The following MISP variants were observed in gnomAD, a reference collection of about 807,000 sequenced individuals.
MISP encodes mitotic interactor and substrate of PLK1.
Under a neutral mutation model 49.3 loss-of-function variants are expected in MISP, and 51 were observed. That is an observed-to-expected ratio of 1.03 (90% CI 0.83 to 1.31). The LOEUF is 1.31. MISP is among the 50% of genes most tolerant of loss of function. MISP has a pLI of 0.00. For synonymous variants in MISP, 444 were observed against 392.6 expected (o/e 1.13, Z -1.55); for missense variants, 1,084 against 935.1 (o/e 1.16, Z -2.08).
chr19:759,742 T>C (rs1445313592), intron 2 of MISP, among the ~76,000 whole-genome samples, 167 bp from the exon 3 acceptor site: 1 of 152,184 alleles, frequency 6.6e-6, no homozygotes, highest in African/African-American at 2.4e-5. Flanking sequence ...CATCTGTGCA[T>C]CCAGTTTCTC....
In MISP at chr19:758,436, G is replaced by A; in HGVS notation, c.1490G>A (p.Gly497Asp). 1 of 1,614,218 alleles carries A rather than the reference G, an allele frequency of 6.2e-7. No individual in the cohort carries two copies. Among genetic ancestry groups the A allele is most frequent in the Non-Finnish European group, 8.5e-7 (1 of 1,180,046 alleles). Residue 497 changes from glycine (G) to aspartate (D), a missense_variant, in exon 2 of 5, where the codon GGT becomes GAT. Physicochemically the swap from Gly to Asp is moderately conservative, Grantham distance 94. Transcript: ENST00000215582. ...PPRGCPQANRGVVRWEYFRLR... is the reference protein window; with the variant it reads ...PPRGCPQANRDVVRWEYFRLR... ...CGGGGATGCCCGCAAGCCAACAGGG[G>A]TGTCGTGCGGTGGGAGTACTTCCGC... is the stretch of plus-strand genomic sequence containing the variant.
rs537413932 is a variant in MISP at position 759,305 on chromosome 19, T to A, written c.1780+579T>A. On this transcript the variant is annotated intron_variant, in intron 2 of 4. Transcript: ENST00000215582. Reference sequence around the variant, plus strand: ...TCCCAAAGTGCTGGGATTACAAGCATGAGCCACTGCTCCCGGCCTGTTCAT... The same window carrying A: ...TCCCAAAGTGCTGGGATTACAAGCAAGAGCCACTGCTCCCGGCCTGTTCAT... Among the ~76,000 whole-genome samples the A allele has an allele frequency of 4.6e-5, 7 of 151,868 alleles. No homozygotes were observed. The East Asian group carries it at 1.2e-3, about 25-fold the overall frequency.
In MISP at chr19:758,375, C is replaced by T; in HGVS notation, c.1429C>T (p.Pro477Ser). Reference protein sequence around the residue: ...PRHLSESSGKPLSTKQEASKP... With the variant: ...PRHLSESSGKSLSTKQEASKP... ...GCATCTCTCAGAATCCTCTGGAAAA[C>T]CCCTGAGCACAAAGCAAGAGGCATC... The change falls in exon 2 of 5, where the codon CCC (proline) becomes TCC (serine). Residue 477 changes from proline (P) to serine (S), a missense_variant. Pro to Ser is a moderately conservative substitution (Grantham distance 74, BLOSUM62 -1). Transcript: ENST00000215582. 1 of 1,614,212 alleles carries T rather than the reference C, an allele frequency of 6.2e-7. No homozygotes were observed. Among genetic ancestry groups the T allele is most frequent in the Non-Finnish European group, 8.5e-7 (1 of 1,180,028 alleles).
At chr19:756,809 T>C in intron 1 of MISP, 81 bp from the exon 2 acceptor site, 1 of 708,302 alleles carries the variant, frequency 1.4e-6, no homozygotes, top group Non-Finnish European at 2.3e-6. Flanking sequence ...TGATGGACCC[T>C]TTGCCCTTTG....
At chr19:751,492 C>T (rs1380192050) in intron 1 of MISP, among the ~76,000 whole-genome samples, 2 of 152,212 alleles carry the variant, frequency 1.3e-5, no homozygotes, top group Non-Finnish European at 2.9e-5. Flanking sequence ...TTGGCACCCC[C>T]ATGGTCAGAG....
intron 1 of MISP, among the ~76,000 whole-genome samples, chr19:753,159 G>A (rs185060255): frequency 2.6e-3 from 389 of 152,276 alleles, no homozygotes; most frequent in Non-Finnish European, 4.7e-3. Context: ...CCATCTGTGC[G>A]TCACGCTTTG....
At chr19:749,628 C>A (rs936972302), upstream of MISP, among the ~76,000 whole-genome samples, 3 of 152,154 alleles carry the variant, frequency 2.0e-5, no homozygotes, top group African/African-American at 7.2e-5. Context: ...GTCAGGAGTT[C>A]GAGACCAGCC....
chr19:757,605 C>T lies in MISP; in HGVS notation c.659C>T (p.Pro220Leu). The T allele has an allele frequency of 6.2e-7, 1 of 1,612,738 alleles. No homozygotes were observed. The highest frequency in any genetic ancestry group is 1.1e-5 in the South Asian group (1 of 90,932). Residue 220 changes from proline (P) to leucine (L), a missense_variant, in exon 2 of 5, where the codon CCT becomes CTT. Pro to Leu is a moderately conservative substitution (Grantham distance 98). Coordinates refer to ENST00000215582, the MANE Select transcript of MISP (RefSeq NM_173481.4). ...APHSSPARGT[P>L]AGTTPGASQA... ...CATAGCTCCCCGGCCAGGGGGACCC[C>T]TGCAGGCACAACCCCAGGGGCCAGC...
chr19:755,112 G>A (rs566391862), intron 1 of MISP, among the ~76,000 whole-genome samples: 17 of 152,128 alleles, frequency 1.1e-4, no homozygotes, highest in African/African-American at 3.4e-4. Flanking sequence ...TTGGGGTTTC[G>A]TGCTAAGGCC....
chr19:749,248 C>G (rs959172502), upstream of MISP, among the ~76,000 whole-genome samples: 1 of 152,220 alleles, frequency 6.6e-6, no homozygotes, highest in Non-Finnish European at 1.5e-5. Flanking sequence ...CTCCACCCTG[C>G]TGGGGCCTCA....
In MISP at chr19:757,134, G is replaced by A; in HGVS notation, c.188G>A (p.Arg63Lys). The A allele has an allele frequency of 6.2e-7, 1 of 1,613,318 alleles. No individual in the cohort carries two copies. Among genetic ancestry groups the A allele is most frequent in the Non-Finnish European group, 8.5e-7 (1 of 1,179,894 alleles). Reference protein sequence around the residue: ...TDHRAQQGVQRQGVSYSVHAY... With the variant: ...TDHRAQQGVQKQGVSYSVHAY... ...CACAGGGCCCAGCAGGGCGTGCAGAGGCAGGGGGTGTCCTACAGCGTGCAT... is the reference window on the plus strand; with the variant it reads ...CACAGGGCCCAGCAGGGCGTGCAGAAGCAGGGGGTGTCCTACAGCGTGCAT... The change falls in exon 2 of 5, where the codon AGG (arginine) becomes AAG (lysine). Residue 63 changes from arginine to lysine, a missense_variant. By Grantham distance (26) the Arg-to-Lys change is conservative. Transcript: ENST00000215582.
At chr19:760,319 A>T in intron 3 of MISP, 7 of 277,606 alleles carry the variant, frequency 2.5e-5, no homozygotes, top group Admixed American at 5.3e-5. Context: ...CTCTGCTTGG[A>T]GGAGGAGGAC....
chr19:755,133 T>G (rs1463555783), intron 1 of MISP, among the ~76,000 whole-genome samples: 1 of 151,730 alleles, frequency 6.6e-6, no homozygotes, highest in Non-Finnish European at 1.5e-5. Flanking sequence ...AGGAGCAGGG[T>G]GTGAGAACTG....
chr19:758,045 C>CG lies in MISP; in HGVS notation c.1102dup (p.Glu368GlyfsTer56). ...GACACAGCGTGAGGAAGACCACCGG[C>CG]GGGAGGGCCTGCACGTGGGCCGGGC... On this transcript the variant is annotated frameshift_variant, in exon 2 of 5. Transcript: ENST00000215582. LOFTEE classifies it high-confidence loss of function. The CG allele has an allele frequency of 6.4e-7, 1 of 1,566,504 alleles. No individual in the cohort carries two copies. Among genetic ancestry groups the CG allele is most frequent in the Non-Finnish European group, 8.6e-7 (1 of 1,158,962 alleles).
At chr19:753,046 C>T (rs956173672) in intron 1 of MISP, among the ~76,000 whole-genome samples, 11 of 152,146 alleles carry the variant, frequency 7.2e-5, no homozygotes, top group Admixed American at 4.6e-4. Flanking sequence ...CCACAGCAGG[C>T]GAGAGCGAGG....
Position 758,452 on chromosome 19 carries a change from G to A in MISP, c.1506G>A (p.Glu502=). 4 of 1,614,188 alleles carry A rather than the reference G, an allele frequency of 2.5e-6. No individual in the cohort carries two copies. Among genetic ancestry groups the A allele is most frequent in the Non-Finnish European group, 3.4e-6 (4 of 1,180,038 alleles). Residue 502 remains glutamate (E), a synonymous_variant, in exon 2 of 5, where the codon GAG becomes GAA. Coordinates refer to ENST00000215582, the MANE Select transcript of MISP (RefSeq NM_173481.4). ...PQANRGVVRW[E]YFRLRPLRFR... Reference sequence around the variant, plus strand: ...CCAACAGGGGTGTCGTGCGGTGGGAGTACTTCCGCCTGCGTCCTCTGCGGT... The same window carrying A: ...CCAACAGGGGTGTCGTGCGGTGGGAATACTTCCGCCTGCGTCCTCTGCGGT...
Position 758,222 on chromosome 19 carries a change from C to A in MISP, c.1276C>A (p.Gln426Lys). The change falls in exon 2 of 5, where the codon CAG becomes AAG. Residue 426 changes from glutamine (Q) to lysine (K), a missense_variant. Physicochemically the swap from Gln to Lys is moderately conservative, Grantham distance 53. Transcript: ENST00000215582. ...GAACCGCATCCCACCTGATGCCTACCAGCCGTACCTGAGCCCCGGGACCCC... is the reference window on the plus strand; with the variant it reads ...GAACCGCATCCCACCTGATGCCTACAAGCCGTACCTGAGCCCCGGGACCCC... The part of the protein sequence containing the change: ...KVNRIPPDAY[Q>K]PYLSPGTPQL... 1.2e-6 allele frequency: 2 copies of A among 1,613,162 alleles called. No homozygotes were observed. Among genetic ancestry groups the A allele is most frequent in the Non-Finnish European group, 1.7e-6 (2 of 1,179,924 alleles).
intron 2 of MISP, among the ~76,000 whole-genome samples, chr19:759,638 G>T (rs1393464454): frequency 1.3e-5 from 2 of 151,012 alleles, no homozygotes; most frequent in Non-Finnish European, 3.0e-5. Context: ...CTGACCTCGT[G>T]ATCCACCCAC....
rs2033604628 is a variant in MISP, at chr19:758,194, G to C, written c.1248G>C (p.Lys416Asn). ...RAADPAPEVR[K>N]VNRIPPDAYQ... ...CCGACCCAGCTCCAGAAGTGAGGAA[G>C]GTGAACCGCATCCCACCTGATGCCT... The change falls in exon 2 of 5, where the codon AAG becomes AAC. Residue 416 changes from lysine (K) to asparagine (N), a missense_variant. Transcript: ENST00000215582. 1 of 1,612,680 alleles carries C rather than the reference G, an allele frequency of 6.2e-7. No homozygotes were observed. Among genetic ancestry groups the C allele is most frequent in the African/African-American group, 1.3e-5 (1 of 74,880 alleles).
Sources: gnomAD v4.1 joint callset for allele counts (sites outside exome capture counted in the v4.1 genomes callset) on GRCh38, gnomAD v4.1.1 for gene constraint, MANE v1.5 for transcripts, NCBI Gene and HGNC (gene_info 2026-07-23, HGNC 2026-07-21) for gene names.